AGFG1: variants seen among roughly 807,000 people sequenced by gnomAD.
AGFG1 encodes the protein ArfGAP with FG repeats 1.
In AGFG1, 10 loss-of-function variants were observed where a neutral mutation model predicts 60.6. That is an observed-to-expected ratio of 0.16 (90% CI 0.10 to 0.28). The LOEUF (loss-of-function observed/expected upper bound fraction) is 0.28. Among genes scored for constraint, AGFG1 ranks in the 10% least tolerant of loss-of-function variants. AGFG1 has a pLI of 1.00. For synonymous variants in AGFG1, 247 were observed against 242.9 expected (o/e 1.02, Z -0.16); for missense variants, 537 against 676.5 (o/e 0.79, Z 2.29).
chr2:227,525,140 G>C (rs1463316370), intron 5 of AGFG1, among the ~76,000 whole-genome samples: 1 of 152,084 alleles, frequency 6.6e-6, no homozygotes, highest in Non-Finnish European at 1.5e-5. Context: ...GTGGAAAAAT[G>C]GGGAAAGGAT....
In AGFG1 at chr2:227,559,406, A is replaced by G. The variant is rs1416997188; in HGVS notation, c.*4911A>G. 2.0e-5 allele frequency: 3 copies of G among 152,194 alleles called. No homozygotes were observed. Among genetic ancestry groups the G allele is most frequent in the Non-Finnish European group, 4.4e-5 (3 of 68,040 alleles). The allele number at this position is 152,194 out of a possible 1,614,324, so 9.4% of individuals were successfully genotyped here. A position where few individuals can be genotyped will look rare whatever the true frequency, so the allele number is the denominator to read the frequency against. On this transcript the variant is annotated 3_prime_UTR_variant, in exon 13 of 13. Coordinates refer to ENST00000310078, the MANE Select transcript of AGFG1 (RefSeq NM_004504.5). ...GTCAGTTGTGTAAGTTTGGGCTGAC[A>G]GTGGTATTTTCCAGTGAAGACTATC...
At chr2:227,540,214 T>C (rs756374048) in intron 10 of AGFG1, among the ~76,000 whole-genome samples, 6 of 148,612 alleles carry the variant, frequency 4.0e-5, no homozygotes, top group African/African-American at 1.5e-4. Flanking sequence ...TTTTTTTTAC[T>C]TTAAGTTCTA....
At chr2:227,519,646 G>A (rs1402396877) in intron 2 of AGFG1, among the ~76,000 whole-genome samples, 2 of 152,190 alleles carry the variant, frequency 1.3e-5, no homozygotes, top group Non-Finnish European at 2.9e-5. Context: ...GAACTGAGCA[G>A]GTTACATGAC....
chr2:227,474,015 A>T (rs1690205917), intron 1 of AGFG1, among the ~76,000 whole-genome samples: 1 of 152,222 alleles, frequency 6.6e-6, no homozygotes, highest in African/African-American at 2.4e-5. Context: ...AAATTGTTTG[A>T]TAGGAGAGTG....
At chr2:227,495,082 T>A (rs1263370808) in intron 2 of AGFG1, among the ~76,000 whole-genome samples, 1 of 152,222 alleles carries the variant, frequency 6.6e-6, no homozygotes, top group African/African-American at 2.4e-5. Context: ...GTGGAGGAGA[T>A]ATGTATATCA....
In AGFG1 at chr2:227,551,986, G is replaced by A; in HGVS notation, c.1406G>A (p.Ser469Asn). ...GCAACCTTTGGCACTGCATCCATGA[G>A]CATGCCCACAGGATTCGGCACTCCT... is the stretch of plus-strand genomic sequence containing the variant. ...TAATFGTASM[S>N]MPTGFGTPAP... Residue 469 changes from serine (S) to asparagine (N), a missense_variant, in exon 11 of 13, where the codon AGC becomes AAC. This residue lies in a region of AGFG1 where 287 missense variants were observed against 343.6 expected (regional missense o/e 0.84). Transcript: ENST00000310078. 1.2e-6 allele frequency: 2 copies of A among 1,614,122 alleles called. No individual in the cohort carries two copies. Among genetic ancestry groups the A allele is most frequent in the Non-Finnish European group, 1.7e-6 (2 of 1,180,018 alleles).
intron 10 of AGFG1, among the ~76,000 whole-genome samples, chr2:227,546,490 C>T (rs1300851926): frequency 1.3e-5 from 2 of 152,212 alleles, no homozygotes; most frequent in African/African-American, 4.8e-5. Flanking sequence ...GTGGGCTACA[C>T]CCACTGTCCA....
At chr2:227,516,345 T>TA (rs1462030482) in intron 2 of AGFG1, among the ~76,000 whole-genome samples, 4 of 152,330 alleles carry the variant, frequency 2.6e-5, no homozygotes, top group Admixed American at 2.0e-4. Context: ...GGGAATCACA[T>TA]ATTGAGAGTT....
chr2:227,497,971 G>T (rs886861988), intron 2 of AGFG1, among the ~76,000 whole-genome samples: 7 of 151,734 alleles, frequency 4.6e-5, no homozygotes, highest in Non-Finnish European at 8.8e-5. Flanking sequence ...TATGAACCTT[G>T]TTACCTTGGG....
At chr2:227,497,165 T>TCCCCCCCC (rs11422803) in intron 2 of AGFG1, among the ~76,000 whole-genome samples, 34 of 137,328 alleles carry the variant, frequency 2.5e-4, no homozygotes, top group South Asian at 5.2e-4. Context: ...CACCCCCTCT[T>TCCCCCCCC]CCCCCCCCAC....
At chr2:227,521,492 C>G (rs1215164699) in intron 3 of AGFG1, among the ~76,000 whole-genome samples, 1 of 152,162 alleles carries the variant, frequency 6.6e-6, no homozygotes, top group Non-Finnish European at 1.5e-5. Context: ...GAAGAAAATA[C>G]TAGAAGGTGG....
chr2:227,484,688 G>GTTTTTTTTTTTTTTTTTTTTT (rs745570416), intron 1 of AGFG1, among the ~76,000 whole-genome samples: 3 of 25,088 alleles, frequency 1.2e-4, no homozygotes, highest in Admixed American at 7.9e-4. Context: ...TTTTTTTTTT[G>GTTTTTTTTTTTTTTTTTTTTT]TTTTTTTTTT....
intron 1 of AGFG1, among the ~76,000 whole-genome samples, chr2:227,473,050 G>A (rs1690159323): frequency 6.6e-6 from 1 of 150,752 alleles, no homozygotes; most frequent in Admixed American, 6.6e-5. Context: ...GCCGCGGTGC[G>A]GAGCGAGGCA....
intron 2 of AGFG1, among the ~76,000 whole-genome samples, chr2:227,493,190 C>T (rs527532793): frequency 1.2e-4 from 18 of 151,768 alleles, no homozygotes; most frequent in African/African-American, 4.4e-4. Context: ...ATTGATCTAC[C>T]CTCTTAACAA....
At chr2:227,486,478 T>C (rs1690642589) in intron 1 of AGFG1, among the ~76,000 whole-genome samples, 1 of 152,188 alleles carries the variant, frequency 6.6e-6, no homozygotes, top group African/African-American at 2.4e-5. Flanking sequence ...CTTATTAACT[T>C]ACATTTTGCC....
chr2:227,524,693 C>T lies in AGFG1; in HGVS notation c.541-69C>T, dbSNP rs1490858504. 9.2e-6 allele frequency: 14 copies of T among 1,520,584 alleles called. No homozygotes were observed. The African/African-American group carries it at 1.8e-4, about 19-fold the overall frequency. The allele number at this position is 1,520,584 out of a possible 1,614,324, so 94.2% of individuals were successfully genotyped here. A position where few individuals can be genotyped will look rare whatever the true frequency, so the allele number is the denominator to read the frequency against. On this transcript the variant is annotated intron_variant, in intron 4 of 12. Coordinates refer to ENST00000310078, the MANE Select transcript of AGFG1 (RefSeq NM_004504.5). ...TATGTATAAGTGTGTTTTAAGTTTG[C>T]AGATAGTTTTGTATAAAGATTTTGC...
intron 1 of AGFG1, among the ~76,000 whole-genome samples, chr2:227,490,676 C>G (rs1375948806): frequency 6.6e-6 from 1 of 151,756 alleles, no homozygotes; most frequent in East Asian, 1.9e-4. Context: ...TTCTGTGGAA[C>G]TTTGCGTAGG....
chr2:227,484,058 C>T (rs1273894574), intron 1 of AGFG1, among the ~76,000 whole-genome samples: 1 of 151,790 alleles, frequency 6.6e-6, no homozygotes, highest in African/African-American at 2.4e-5. Flanking sequence ...CTCCCCCCTA[C>T]CCCCACCCTC....
intron 2 of AGFG1, among the ~76,000 whole-genome samples, chr2:227,494,184 A>T (rs4547524): frequency 0.6 from 91,339 of 151,530 alleles, 27,511 homozygotes; most frequent in South Asian, 0.7. Context: ...GTAGAGGGTG[A>T]TGAAGATACG....
Sources: allele counts gnomAD v4.1 joint callset (sites outside exome capture counted in the v4.1 genomes callset), GRCh38; gene constraint gnomAD v4.1.1; regional missense constraint gnomAD v4.1.1; transcripts MANE v1.5; gene names NCBI Gene and HGNC (gene_info 2026-07-23, HGNC 2026-07-21).